Variants in PFKP observed in about 807,000 individuals in gnomAD.
PFKP encodes phosphofructokinase, platelet.
Under a neutral mutation model 94.3 loss-of-function variants are expected in PFKP, and 101 were observed. The observed-to-expected ratio is 1.07, with a 90% CI of 0.91 to 1.26. The LOEUF (loss-of-function observed/expected upper bound fraction) is 1.26. Ranked by LOEUF, PFKP falls within the 50% of genes most tolerant of loss-of-function variation. The probability of loss-of-function intolerance (pLI) is 0.00; values close to 1 mark genes in which losing one functional copy is unlikely to be tolerated. For missense variants in PFKP, 1,145 were observed against 1,103.3 expected, an observed-to-expected ratio of 1.04 and a Z score of -0.53; for synonymous variants, 573 against 432.6, an observed-to-expected ratio of 1.32 and a Z score of -4.03.
In PFKP at chr10:3,136,613, T is replaced by C. The variant is rs1839395942; in HGVS notation, c.*34T>C. 6 of 1,606,732 alleles carry C rather than the reference T, an allele frequency of 3.7e-6. No individual in the cohort carries two copies. Among genetic ancestry groups the C allele is most frequent in the Non-Finnish European group, 5.1e-6 (6 of 1,174,942 alleles). The stretch of plus-strand genomic sequence containing the variant: ...CGCCTGCATGTGCCTGCAGCCACCG[T>C]GGACTGTCTGTTTTTGTAACACTTA... On this transcript the variant is annotated 3_prime_UTR_variant, in exon 22 of 22. Coordinates refer to ENST00000381125, the MANE Select transcript of PFKP (RefSeq NM_002627.5).
chr10:3,117,854 A>G (rs1201177009), intron 14 of PFKP, among the ~76,000 whole-genome samples: 1 of 152,112 alleles, frequency 6.6e-6, no homozygotes, highest in Non-Finnish European at 1.5e-5. Flanking sequence ...AAGAAACCTC[A>G]CCTTAGGGGC....
intron 1 of PFKP, among the ~76,000 whole-genome samples, chr10:3,069,923 G>C (rs1832056642): frequency 6.6e-6 from 1 of 152,184 alleles, no homozygotes; most frequent in African/African-American, 2.4e-5. Context: ...CATATTGAAG[G>C]TTAGTAAGTC....
In PFKP at chr10:3,135,775, G is replaced by T. The variant is rs765297115; in HGVS notation, c.2162G>T (p.Gly721Val). ...FTTDDSICVL[G>V]ISKRNVIFQP... Reference sequence around the variant, plus strand: ...ACCGATGATTCCATTTGTGTGCTGGGAATAAGCAAAAGAAACGTTATTTTT... The same window carrying T: ...ACCGATGATTCCATTTGTGTGCTGGTAATAAGCAAAAGAAACGTTATTTTT... The change falls in exon 21 of 22, where the codon GGA becomes GTA. Residue 721 changes from glycine (G) to valine (V), a missense_variant. Transcript: ENST00000381125. 5.6e-6 allele frequency: 9 copies of T among 1,613,534 alleles called. No homozygotes were observed. Among genetic ancestry groups the T allele is most frequent in the Non-Finnish European group, 7.6e-6 (9 of 1,179,548 alleles).
At chr10:3,098,737 A>T (rs946530120) in intron 2 of PFKP, among the ~76,000 whole-genome samples, 6 of 151,358 alleles carry the variant, frequency 4.0e-5, no homozygotes, top group Non-Finnish European at 8.8e-5. Flanking sequence ...TCACATATTG[A>T]TATCTGATTC....
intron 4 of PFKP, 98 bp downstream of exon 4, chr10:3,101,652 T>G (rs866738148): frequency 1.2e-6 from 1 of 818,724 alleles, no homozygotes; most frequent in Non-Finnish European, 1.9e-6. Context: ...GAAGTACCTC[T>G]TCTCACAGAT....
At chr10:3,101,879 G>A (rs772941984) in intron 4 of PFKP, among the ~76,000 whole-genome samples, 3 of 152,194 alleles carry the variant, frequency 2.0e-5, no homozygotes, top group South Asian at 2.1e-4. Context: ...GGGGCGAGCC[G>A]GGTCCCCAGC....
At chr10:3,136,347 C>A in intron 21 of PFKP, 103 bp from the exon 22 acceptor site, 2 of 1,226,702 alleles carry the variant, frequency 1.6e-6, no homozygotes, top group South Asian at 1.3e-5. Flanking sequence ...GCCGACCCTA[C>A]AAACCCTGTG....
In PFKP at chr10:3,101,523, G is replaced by C; in HGVS notation, c.423G>C (p.Trp141Cys). 1 of 1,570,580 alleles carries C rather than the reference G, an allele frequency of 6.4e-7. No individual in the cohort carries two copies. The highest frequency in any genetic ancestry group is 8.6e-7 in the Non-Finnish European group (1 of 1,157,072). ...LTGANLFRKE[W>C]SGLLEELARN... ...GGGCCAACCTCTTCCGGAAGGAGTGGAGTGGGCTGCTGGAGGAGCTGGCCA... is the reference window on the plus strand; with the variant it reads ...GGGCCAACCTCTTCCGGAAGGAGTGCAGTGGGCTGCTGGAGGAGCTGGCCA... Residue 141 changes from tryptophan to cysteine, a missense_variant, in exon 4 of 22, where the codon TGG becomes TGC. Coordinates refer to ENST00000381125, the MANE Select transcript of PFKP (RefSeq NM_002627.5).
intron 16 of PFKP, among the ~76,000 whole-genome samples, chr10:3,128,836 G>T (rs114537644): frequency 6.6e-6 from 1 of 152,152 alleles, no homozygotes; most frequent in African/African-American, 2.4e-5. Context: ...CTGCTCTCCC[G>T]CCCACCACTG....
intron 1 of PFKP, among the ~76,000 whole-genome samples, chr10:3,071,157 AT>A (rs1179970353): frequency 6.6e-6 from 1 of 152,120 alleles, no homozygotes; most frequent in Non-Finnish European, 1.5e-5. Flanking sequence ...TTACACAGAT[AT>A]TCTTTGGGTG....
At chr10:3,099,235 G>A (rs967527994) in intron 2 of PFKP, 40 bp from the exon 3 acceptor site, 13 of 1,478,608 alleles carry the variant, frequency 8.8e-6, no homozygotes, top group South Asian at 4.5e-5. Flanking sequence ...ATTTAGTGAA[G>A]TTTATCTCAT....
intron 15 of PFKP, 146 bp downstream of exon 15, chr10:3,119,015 C>T: frequency 1.6e-6 from 1 of 607,358 alleles, no homozygotes; most frequent in Non-Finnish European, 2.9e-6. Flanking sequence ...TGTAGAACAG[C>T]AGGATAGCAG....
chr10:3,126,161 C>G (rs572697223), intron 16 of PFKP, among the ~76,000 whole-genome samples: 1 of 152,314 alleles, frequency 6.6e-6, no homozygotes, highest in Non-Finnish European at 1.5e-5. Context: ...AGTTCTATTC[C>G]GGGTACTTCC....
At chr10:3,128,184 G>A (rs920263256) in intron 16 of PFKP, among the ~76,000 whole-genome samples, 2 of 152,168 alleles carry the variant, frequency 1.3e-5, no homozygotes, top group Non-Finnish European at 2.9e-5. Context: ...GGGCTCGGCC[G>A]GGTGCTGCTG....
chr10:3,135,566 C>A (rs917708357), intron 20 of PFKP, among the ~76,000 whole-genome samples, 170 bp from the exon 21 acceptor site: 1 of 152,248 alleles, frequency 6.6e-6, no homozygotes, highest in Non-Finnish European at 1.5e-5. Context: ...CAGAGCTGCA[C>A]GAGGCCAGGT....
intron 1 of PFKP, among the ~76,000 whole-genome samples, chr10:3,075,967 C>T (rs897647880): frequency 5.8e-5 from 8 of 138,098 alleles, no homozygotes; most frequent in Admixed American, 3.1e-4. Context: ...GCCGAGATCG[C>T]GCCACTGCAG....
At chr10:3,069,402 C>G (rs201336725) in intron 1 of PFKP, 6 of 1,581,786 alleles carry the variant, frequency 3.8e-6, no homozygotes, top group Non-Finnish European at 4.3e-6. Flanking sequence ...ACGAATGGAG[C>G]CGCCTTGGGG....
In PFKP at chr10:3,082,382, C is replaced by G. The variant is rs1352959680; in HGVS notation, c.113-6C>G. 2 of 1,603,946 alleles carry G rather than the reference C, an allele frequency of 1.2e-6. No individual in the cohort carries two copies. Among genetic ancestry groups the G allele is most frequent in the African/African-American group, 1.3e-5 (1 of 74,682 alleles). On this transcript the variant is annotated splice_region_variant and splice_polypyrimidine_tract_variant and intron_variant, in intron 1 of 21. Transcript: ENST00000381125. ...TCAGTGACTCTTGCTCCTGTTTCCA[C>G]TGCAGGTATGAACGCTGCCGTCCGT...
intron 3 of PFKP, among the ~76,000 whole-genome samples, chr10:3,099,880 C>T (rs1307794001): frequency 2.0e-5 from 3 of 150,696 alleles, no homozygotes; most frequent in African/African-American, 4.9e-5. Context: ...GTGTGAATCT[C>T]GGTGTGTGTG....
Sources: gnomAD v4.1 joint callset for allele counts (sites outside exome capture counted in the v4.1 genomes callset) on GRCh38, gnomAD v4.1.1 for gene constraint, MANE v1.5 for transcripts, NCBI Gene and HGNC (gene_info 2026-07-23, HGNC 2026-07-21) for gene names.